The following ADAMTS2 variants were observed in gnomAD, a reference collection of about 807,000 sequenced individuals.
ADAMTS2 encodes the protein A disintegrin and metalloproteinase with thrombospondin motifs 2.
A neutral mutation model predicts 123.0 loss-of-function variants in ADAMTS2; 50 were observed. That is an observed-to-expected ratio of 0.41 (90% CI 0.32 to 0.51). The LOEUF (loss-of-function observed/expected upper bound fraction) is 0.51, where lower values mean the gene tolerates loss of function less well. Among genes scored for constraint, ADAMTS2 ranks in the 20% least tolerant of loss-of-function variants. The pLI, the probability that ADAMTS2 is intolerant of heterozygous loss-of-function variation, is 0.35. For synonymous variants in ADAMTS2, 678 were observed against 695.4 expected (o/e 0.98, Z 0.39); for missense variants, 1,494 against 1,705.2 (o/e 0.88, Z 2.18).
intron 3 of ADAMTS2, among the ~76,000 whole-genome samples, chr5:179,258,665 T>C (rs1766132774): frequency 1.3e-5 from 2 of 152,138 alleles, no homozygotes; most frequent in South Asian, 4.1e-4. Context: ...GGAAAGGTCC[T>C]TGAGAAAAGG....
intron 3 of ADAMTS2, among the ~76,000 whole-genome samples, chr5:179,240,742 G>T (rs764038842): frequency 1.6e-4 from 24 of 152,178 alleles, no homozygotes; most frequent in Non-Finnish European, 3.1e-4. Flanking sequence ...GCTGTTTGGG[G>T]GAGGGCAGAA....
chr5:179,153,374 GGCCGCTCTGCCC>G, intron 9 of ADAMTS2, 105 bp downstream of exon 9: 2 of 1,495,884 alleles, frequency 1.3e-6, no homozygotes, highest in Non-Finnish European at 1.8e-6. Flanking sequence ...CACTCTGGAG[GGCCGCTCTGCCC>G]TCCCCACACT....
chr5:179,126,021 G>A lies in ADAMTS2; in HGVS notation c.2727C>T (p.Asn909=), dbSNP rs151261888. 9.3e-6 allele frequency: 15 copies of A among 1,613,470 alleles called. No homozygotes were observed. The highest frequency in any genetic ancestry group is 1.7e-5 in the Admixed American group (1 of 60,038). ...SKPKAIRRAC[N]PQECSQPVWV... ...ACACTGGCTGGGAGCATTCCTGTGGGTTGCACGCTCTGCGGATGGCTTTGG... is the reference window on the plus strand; with the variant it reads ...ACACTGGCTGGGAGCATTCCTGTGGATTGCACGCTCTGCGGATGGCTTTGG... The change falls in exon 18 of 22, where the codon AAC becomes AAT. Residue 909 remains asparagine (N), a synonymous_variant. Transcript: ENST00000251582.
chr5:179,183,281 C>A (rs1053568623), intron 4 of ADAMTS2, among the ~76,000 whole-genome samples: 3 of 152,186 alleles, frequency 2.0e-5, no homozygotes, highest in African/African-American at 7.2e-5. Context: ...TTCTCTATCA[C>A]GACAAAGCTT....
chr5:179,223,767 A>G (rs146125506), intron 3 of ADAMTS2, among the ~76,000 whole-genome samples: 2 of 151,796 alleles, frequency 1.3e-5, no homozygotes, highest in Admixed American at 6.5e-5. Context: ...ATGTGCGTGT[A>G]TGTGAGTCTA....
At chr5:179,233,377 G>A (rs987649999) in intron 3 of ADAMTS2, among the ~76,000 whole-genome samples, 2 of 74,376 alleles carry the variant, frequency 2.7e-5, no homozygotes, top group African/African-American at 1.5e-4. Flanking sequence ...GTTAAAATGT[G>A]TCACATTAAA....
chr5:179,333,317 A>AAG, intron 2 of ADAMTS2, among the ~76,000 whole-genome samples: 1 of 152,172 alleles, frequency 6.6e-6, no homozygotes, highest in East Asian at 1.9e-4. Flanking sequence ...CCAGCAAGAG[A>AAG]AGAGCCAGGC....
At chr5:179,153,801 G>A (rs1763413762) in intron 8 of ADAMTS2, among the ~76,000 whole-genome samples, 178 bp from the exon 9 acceptor site, 1 of 152,156 alleles carries the variant, frequency 6.6e-6, no homozygotes, top group African/African-American at 2.4e-5. Context: ...AAGACACCAG[G>A]ACCTGGCTTG....
At chr5:179,269,794 G>A (rs887421551) in intron 3 of ADAMTS2, among the ~76,000 whole-genome samples, 2 of 152,206 alleles carry the variant, frequency 1.3e-5, no homozygotes, top group Admixed American at 6.5e-5. Flanking sequence ...CCTGGACACA[G>A]AGCTGGCCTT....
intron 2 of ADAMTS2, among the ~76,000 whole-genome samples, chr5:179,330,169 A>G (rs989364876): frequency 6.6e-6 from 1 of 151,296 alleles, no homozygotes; most frequent in African/African-American, 2.4e-5. Context: ...AGTTTCAACA[A>G]TAACACGATT....
intron 3 of ADAMTS2, among the ~76,000 whole-genome samples, chr5:179,258,329 C>G (rs1471825716): frequency 6.6e-6 from 1 of 152,136 alleles, no homozygotes; most frequent in Non-Finnish European, 1.5e-5. Context: ...CCCTGAGCTC[C>G]TCCCCGCAGC....
rs1034836718 is a variant in ADAMTS2, at chr5:179,287,928, A to T, written c.535-14864T>A. On this transcript the variant is annotated intron_variant, in intron 2 of 21. Transcript: ENST00000251582. ...CAGCCCGCCCAACGCCAGTCCCCCC[A>T]CTCCACTGTGCAACAAGGATCAGCC... 2.0e-5 allele frequency among the ~76,000 whole-genome samples: 3 copies of T among 152,084 alleles called. No homozygotes were observed. In the East Asian group the frequency reaches 5.8e-4, roughly 29 times the overall value.
chr5:179,236,666 C>T lies in ADAMTS2; in HGVS notation c.689-28951G>A, dbSNP rs946381227. On this transcript the variant is annotated intron_variant, in intron 3 of 21. Coordinates refer to ENST00000251582, the MANE Select transcript of ADAMTS2 (RefSeq NM_014244.5). Reference sequence around the variant, plus strand: ...ATTAGCCAAACGTAATGGGGTGCACCTGCAGTCCCAGCTACTCGGGAGGCT... The same window carrying T: ...ATTAGCCAAACGTAATGGGGTGCACTTGCAGTCCCAGCTACTCGGGAGGCT... 2.0e-5 allele frequency among the ~76,000 whole-genome samples: 3 copies of T among 152,174 alleles called. No individual in the cohort carries two copies. In the East Asian group the frequency reaches 5.8e-4, roughly 29 times the overall value.
intron 2 of ADAMTS2, chr5:179,341,356 AAAAG>A: frequency 5.0e-6 from 2 of 399,548 alleles, no homozygotes; most frequent in Non-Finnish European, 9.9e-6. Flanking sequence ...AAGAAAGAAA[AAAAG>A]GAAGGAAGGA....
At chr5:179,182,764 T>C (rs527946147) in intron 4 of ADAMTS2, among the ~76,000 whole-genome samples, 15 of 152,204 alleles carry the variant, frequency 9.9e-5, no homozygotes, top group African/African-American at 3.6e-4. Context: ...GGACAACTCA[T>C]CAGACCCACG....
At position 179,262,234 on chromosome 5, in the gene ADAMTS2, C is replaced by T. The variant is rs563031032; in HGVS notation, c.688+10677G>A. ...GGCCACCCCCACCAGCACACCTGCC[C>T]GGCCAGCCTCAGGCCACCAGCCAGC... On this transcript the variant is annotated intron_variant, in intron 3 of 21. Transcript: ENST00000251582. This position sits in a 1 kb window ranked among gnomAD's most constrained non-coding sequence, Gnocchi z 5.9. Among the ~76,000 whole-genome samples the T allele has an allele frequency of 2.0e-5, 3 of 152,234 alleles. No individual in the cohort carries two copies. Among genetic ancestry groups the T allele is most frequent in the East Asian group, 3.9e-4 (2 of 5,160 alleles).
intron 17 of ADAMTS2, among the ~76,000 whole-genome samples, chr5:179,126,927 G>T (rs1317038428): frequency 6.6e-6 from 1 of 152,164 alleles, no homozygotes; most frequent in Non-Finnish European, 1.5e-5. Flanking sequence ...AGCCCTTAAG[G>T]CCGGCGTGGC....
At chr5:179,168,503 G>A (rs4700785) in intron 5 of ADAMTS2, among the ~76,000 whole-genome samples, 53,762 of 152,160 alleles carry the variant, frequency 0.35, 9,668 homozygotes, top group Non-Finnish European at 0.38. Context: ...CAGGGTTGCT[G>A]TGGGGGTGAG....
At position 179,114,377 on chromosome 5, in the gene ADAMTS2, G is replaced by A. The variant is rs1177252017; in HGVS notation, c.3179-53C>T. 1.9e-6 allele frequency: 3 copies of A among 1,549,208 alleles called. No individual in the cohort carries two copies. In the East Asian group the frequency reaches 6.9e-5, roughly 36 times the overall value. ...CAAAGGACAAGATAAGGGGGACTTT[G>A]TTCCCCCACAGGGTGCAGCTTGCTG... On this transcript the variant is annotated intron_variant, in intron 21 of 21. Coordinates refer to ENST00000251582, the MANE Select transcript of ADAMTS2 (RefSeq NM_014244.5).
Sources: gnomAD v4.1 joint callset for allele counts (sites outside exome capture counted in the v4.1 genomes callset) on GRCh38, gnomAD v4.1.1 for gene constraint, Gnocchi (gnomAD v3.1) non-coding constraint, MANE v1.5 for transcripts, NCBI Gene and HGNC (gene_info 2026-07-23, HGNC 2026-07-21) for gene names.